Variants in SSH1 observed in about 807,000 individuals in gnomAD.
SSH1 encodes slingshot protein phosphatase 1.
Under a neutral mutation model 79.7 loss-of-function variants are expected in SSH1, and 43 were observed. The ratio of observed to expected loss-of-function variants is 0.54; its 90% CI spans 0.42 to 0.70. The LOEUF is 0.70. Ranked by LOEUF, SSH1 falls within the 30% of genes least tolerant of loss-of-function variation. The pLI, the probability that SSH1 is intolerant of heterozygous loss-of-function variation, is 0.00. For missense variants in SSH1, 1,206 were observed against 1,358.8 expected, an observed-to-expected ratio of 0.89 and a Z score of 1.77; for synonymous variants, 599 against 538.3, an observed-to-expected ratio of 1.11 and a Z score of -1.56.
At position 108,852,622 on chromosome 12, in the gene SSH1, T is replaced by C. The variant is rs2039065391; in HGVS notation, c.110+16A>G. ...TGGGAGAAAGACTTAGGAACAAGAA[T>C]TGAAAGTCTGCTTACCTGAGGTTTA... On this transcript the variant is annotated intron_variant, in intron 2 of 14. Transcript: ENST00000326495. The C allele has an allele frequency of 1.2e-6, 2 of 1,613,944 alleles. No individual in the cohort carries two copies. Among genetic ancestry groups the C allele is most frequent in the African/African-American group, 1.3e-5 (1 of 74,920 alleles).
Position 108,857,196 on chromosome 12 carries a change from C to G in SSH1, c.69+232G>C, listed in dbSNP as rs1161227181. Reference sequence around the variant, plus strand: ...TACACAGTCCCTGCAAAGTCGCCCCCCGATAGGGGTCACACCGCACACAAA... The same window carrying G: ...TACACAGTCCCTGCAAAGTCGCCCCGCGATAGGGGTCACACCGCACACAAA... On this transcript the variant is annotated intron_variant, in intron 1 of 14. Transcript: ENST00000326495. The surrounding 1 kb of genome is among the most constrained non-coding windows in gnomAD (Gnocchi z 4.7). Among the ~76,000 whole-genome samples, 1 of 152,184 alleles carries G rather than the reference C, an allele frequency of 6.6e-6. No homozygotes were observed. Among genetic ancestry groups the G allele is most frequent in the Non-Finnish European group, 1.5e-5 (1 of 68,022 alleles).
chr12:108,816,020 A>T (rs1406868672), intron 5 of SSH1, among the ~76,000 whole-genome samples: 1 of 152,068 alleles, frequency 6.6e-6, no homozygotes, highest in African/African-American at 2.4e-5. Flanking sequence ...TTCTGCCTCA[A>T]ATGCTCCTCA....
rs1393344788 is a variant in SSH1 at position 108,782,705 on chromosome 12, GAA to G, written c.*5281_*5282del. ...AACTCAGTCATCAGGAATTTATAAA[GAA>G]AAAGTTTATTTTCATCACAAGAAGC... On this transcript the variant is annotated 3_prime_UTR_variant, in exon 15 of 15. Coordinates refer to ENST00000326495, the MANE Select transcript of SSH1 (RefSeq NM_018984.4). 2.6e-5 allele frequency: 4 copies of G among 152,052 alleles called. No individual in the cohort carries two copies. Among genetic ancestry groups the G allele is most frequent in the South Asian group, 2.1e-4 (1 of 4,816 alleles). 9.4% of individuals were successfully genotyped at this position (152,052 alleles called of 1,614,324 possible).
chr12:108,820,059 A>G (rs1051697734), intron 3 of SSH1, among the ~76,000 whole-genome samples: 1 of 151,844 alleles, frequency 6.6e-6, no homozygotes, highest in Non-Finnish European at 1.5e-5. Flanking sequence ...TTTTTTTTCA[A>G]TAGAGACAGG....
At position 108,789,341 on chromosome 12, in the gene SSH1, C is replaced by A. The variant is rs1225713254; in HGVS notation, c.1894-97G>T. 5.3e-6 allele frequency: 7 copies of A among 1,313,764 alleles called. No individual in the cohort carries two copies. The East Asian group carries it at 1.5e-4, about 28-fold the overall frequency. The allele number at this position is 1,313,764 out of a possible 1,614,324, so 81.4% of individuals were successfully genotyped here. ...GCAGGGAAAGGGGTGCGAGGCCGGA[C>A]TGGGGGCCAGGCCTGGAGGGGAGGC... On this transcript the variant is annotated intron_variant, in intron 14 of 14. Transcript: ENST00000326495.
At chr12:108,830,925 G>C (rs1474209107) in intron 2 of SSH1, among the ~76,000 whole-genome samples, 2 of 151,856 alleles carry the variant, frequency 1.3e-5, no homozygotes, top group African/African-American at 4.8e-5. Flanking sequence ...GGTGACAGCT[G>C]TGAGCCACCG....
At chr12:108,800,598 G>A (rs991769643) in intron 12 of SSH1, among the ~76,000 whole-genome samples, 182 bp downstream of exon 12, 3 of 149,964 alleles carry the variant, frequency 2.0e-5, no homozygotes, top group Non-Finnish European at 3.0e-5. Context: ...GGAGTCCTGC[G>A]ACTAAAAGCA....
chr12:108,797,534 C>T (rs1036166516), intron 13 of SSH1, among the ~76,000 whole-genome samples: 16 of 152,160 alleles, frequency 1.1e-4, no homozygotes, highest in Non-Finnish European at 2.9e-5. Flanking sequence ...CCAAAACTAC[C>T]TATAGCCCAC....
At chr12:108,811,843 C>A (rs552479828) in intron 5 of SSH1, among the ~76,000 whole-genome samples, 2 of 152,250 alleles carry the variant, frequency 1.3e-5, no homozygotes, top group East Asian at 1.9e-4. Context: ...CAGAGACTGG[C>A]GCCACTGAAA....
chr12:108,826,399 A>G (rs1258973686), intron 2 of SSH1: 1 of 307,020 alleles, frequency 3.3e-6, no homozygotes, highest in Non-Finnish European at 6.3e-6. Context: ...AGTAACAGGC[A>G]TTTACTGTAA....
At chr12:108,793,259 C>T (rs1384428883) in intron 13 of SSH1, among the ~76,000 whole-genome samples, 1 of 152,174 alleles carries the variant, frequency 6.6e-6, no homozygotes, top group Non-Finnish European at 1.5e-5. Flanking sequence ...CAGATCTATA[C>T]ACGATAATAC....
At chr12:108,852,530 C>T (rs2039063744) in intron 2 of SSH1, 108 bp downstream of exon 2, 1 of 1,445,980 alleles carries the variant, frequency 6.9e-7, no homozygotes, top group Non-Finnish European at 9.7e-7. Flanking sequence ...GCACCCAGCC[C>T]AAAATTGGCA....
At position 108,838,139 on chromosome 12, in the gene SSH1, G is replaced by A. The variant is rs115029237; in HGVS notation, c.110+14499C>T. Among the ~76,000 whole-genome samples the A allele has an allele frequency of 4.3e-3, 657 of 152,178 alleles. 1 individual carries two copies. The highest frequency in any genetic ancestry group is 0.015 in the African/African-American group (616 of 41,522). On this transcript the variant is annotated intron_variant, in intron 2 of 14. Coordinates refer to ENST00000326495, the MANE Select transcript of SSH1 (RefSeq NM_018984.4). ...ACTTAATTCGATTTTGGTAAAACACGACCTGTAATTTTTCTTTATCGGTAG... is the reference window on the plus strand; with the variant it reads ...ACTTAATTCGATTTTGGTAAAACACAACCTGTAATTTTTCTTTATCGGTAG...
chr12:108,835,341 C>CA (rs2038575538), intron 2 of SSH1, among the ~76,000 whole-genome samples: 1 of 152,076 alleles, frequency 6.6e-6, no homozygotes, highest in Admixed American at 6.6e-5. Flanking sequence ...TTGGGAGGCA[C>CA]AAGAATCACT....
At position 108,788,917 on chromosome 12, in the gene SSH1, A is replaced by C; in HGVS notation, c.2221T>G (p.Leu741Val). Residue 741 changes from leucine to valine, a missense_variant, in exon 15 of 15, where the codon TTG becomes GTG. This residue lies in a region of SSH1 where 709 missense variants were observed against 730.6 expected (regional missense o/e 0.97). Coordinates refer to ENST00000326495, the MANE Select transcript of SSH1 (RefSeq NM_018984.4). Reference sequence around the variant, plus strand: ...TTTGGGGTCTCTCTGGAAGGTTCCAAAAGGCTGGCTGGTGGCTCTAGGGCA... The same window carrying C: ...TTTGGGGTCTCTCTGGAAGGTTCCACAAGGCTGGCTGGTGGCTCTAGGGCA... ...GAALEPPASLLEPSRETPKVL... is the reference protein window; with the variant it reads ...GAALEPPASLVEPSRETPKVL... The C allele has an allele frequency of 6.2e-7, 1 of 1,614,212 alleles. No homozygotes were observed. Among genetic ancestry groups the C allele is most frequent in the Non-Finnish European group, 8.5e-7 (1 of 1,180,036 alleles).
chr12:108,789,311 G>A (rs2036404565), intron 14 of SSH1, 67 bp from the exon 15 acceptor site: 1 of 1,523,034 alleles, frequency 6.6e-7, no homozygotes, highest in Non-Finnish European at 8.9e-7. Flanking sequence ...AAAACATGAG[G>A]GTGGGCAGGG....
At chr12:108,823,476 TAG>T (rs991808995) in intron 2 of SSH1, 115 bp from the exon 3 acceptor site, 1 of 832,192 alleles carries the variant, frequency 1.2e-6, no homozygotes, top group African/African-American at 1.7e-5. Flanking sequence ...AAAATGCAAA[TAG>T]GATGAAACTG....
intron 14 of SSH1, among the ~76,000 whole-genome samples, 163 bp from the exon 15 acceptor site, chr12:108,789,407 C>T (rs1200966198): frequency 6.6e-6 from 1 of 152,090 alleles, no homozygotes; most frequent in Non-Finnish European, 1.5e-5. Context: ...CTCCTGGAGC[C>T]CACTTGATCG....
chr12:108,792,870 T>C, intron 13 of SSH1, 41 bp from the exon 14 acceptor site: 5 of 1,610,032 alleles, frequency 3.1e-6, no homozygotes, highest in Non-Finnish European at 4.2e-6. Context: ...GGGAGGAGGA[T>C]GGTGCCTGGG....
Sources: gnomAD v4.1 joint callset for allele counts (sites outside exome capture counted in the v4.1 genomes callset) on GRCh38, gnomAD v4.1.1 for gene constraint, gnomAD v4.1.1 regional missense constraint, Gnocchi (gnomAD v3.1) non-coding constraint, MANE v1.5 for transcripts, NCBI Gene and HGNC (gene_info 2026-07-23, HGNC 2026-07-21) for gene names.